Variants in HECW1 observed in about 807,000 individuals in gnomAD.
The protein encoded by HECW1 is HECT, C2 and WW domain containing E3 ubiquitin protein ligase 1, also known as E3 ubiquitin-protein ligase HECW1.
In HECW1, 61 loss-of-function variants were observed where a neutral mutation model predicts 182.3. The ratio of observed to expected loss-of-function variants is 0.33; its 90% CI spans 0.27 to 0.41. HECW1 has a LOEUF of 0.41. HECW1 is among the 10% of genes least tolerant of loss of function. The pLI is 1.00. For synonymous variants in HECW1, 859 were observed against 832.6 expected, an observed-to-expected ratio of 1.03 and a Z score of -0.55; for missense variants, 1,739 against 2,108.9, an observed-to-expected ratio of 0.82 and a Z score of 3.44.
chr7:43,503,662 G>T (rs941786985), intron 21 of HECW1, among the ~76,000 whole-genome samples: 1 of 152,034 alleles, frequency 6.6e-6, no homozygotes, highest in Non-Finnish European at 1.5e-5. Flanking sequence ...ATCCAAATAC[G>T]TTGATTTTAA....
At chr7:43,229,286 A>G (rs1451566598) in intron 2 of HECW1, among the ~76,000 whole-genome samples, 1 of 152,204 alleles carries the variant, frequency 6.6e-6, no homozygotes, top group East Asian at 1.9e-4. Flanking sequence ...ATCCATTGCC[A>G]TGGAAAATAT....
chr7:43,454,439 G>A (rs1042828989), intron 12 of HECW1, among the ~76,000 whole-genome samples: 1 of 152,088 alleles, frequency 6.6e-6, no homozygotes, highest in Non-Finnish European at 1.5e-5. Context: ...TAATTACCTA[G>A]TAATCATATG....
chr7:43,495,083 C>T (rs1223773738), intron 19 of HECW1, among the ~76,000 whole-genome samples: 1 of 152,132 alleles, frequency 6.6e-6, no homozygotes, highest in African/African-American at 2.4e-5. Context: ...CCTGATGTTA[C>T]CATGGCATTT....
At chr7:43,131,613 C>T (rs1255047141) in intron 2 of HECW1, among the ~76,000 whole-genome samples, 1 of 152,218 alleles carries the variant, frequency 6.6e-6, no homozygotes, top group Non-Finnish European at 1.5e-5. Context: ...TTTCCTCAAA[C>T]ATACTGAAGA....
intron 24 of HECW1, among the ~76,000 whole-genome samples, chr7:43,519,880 G>A (rs577356586): frequency 1.3e-5 from 2 of 152,256 alleles, no homozygotes. Context: ...AAATATATTA[G>A]TATGTGATTA....
intron 21 of HECW1, among the ~76,000 whole-genome samples, chr7:43,504,446 C>T (rs762585405): frequency 1.5e-4 from 23 of 152,290 alleles, no homozygotes; most frequent in Admixed American, 5.2e-4. Flanking sequence ...CCTGATGCAG[C>T]GTAGATTCTG....
chr7:43,289,106 C>CTT lies in HECW1; in HGVS notation c.28-22643_28-22642dup, dbSNP rs61444685. Reference sequence around the variant, plus strand: ...TGCCATCTCCAACACTTTCTCTTTTCTTTTTTTTTTTTTTTGAGACAGAGT... The same window carrying CTT: ...TGCCATCTCCAACACTTTCTCTTTTCTTTTTTTTTTTTTTTTTGAGACAGAGT... On this transcript the variant is annotated intron_variant, in intron 3 of 29. Coordinates refer to ENST00000395891, the MANE Select transcript of HECW1 (RefSeq NM_015052.5). Among the ~76,000 whole-genome samples the CTT allele has an allele frequency of 1.4e-3, 201 of 141,562 alleles. 2 individuals are homozygous for CTT. The highest frequency in any genetic ancestry group is 6.3e-3 in the South Asian group (28 of 4,410). 92.9% of individuals were successfully genotyped at this position (141,562 alleles called of 152,430 possible).
chr7:43,418,444 C>T (rs980217310), intron 8 of HECW1, among the ~76,000 whole-genome samples: 1 of 152,098 alleles, frequency 6.6e-6, no homozygotes, highest in Non-Finnish European at 1.5e-5. Context: ...GTTTAATTCT[C>T]TCCCCTTTTT....
At chr7:43,139,189 C>T (rs900268530) in intron 2 of HECW1, among the ~76,000 whole-genome samples, 1 of 152,206 alleles carries the variant, frequency 6.6e-6, no homozygotes, top group Non-Finnish European at 1.5e-5. Context: ...CCTAGGGGGG[C>T]TGCCACAGCA....
chr7:43,396,192 T>G (rs116051311), intron 6 of HECW1, among the ~76,000 whole-genome samples: 1 of 152,194 alleles, frequency 6.6e-6, no homozygotes, highest in Non-Finnish European at 1.5e-5. Context: ...TATTGAGCAA[T>G]GATGAAAAAC....
chr7:43,515,956 G>T (rs575749884), intron 24 of HECW1, among the ~76,000 whole-genome samples: 1 of 152,310 alleles, frequency 6.6e-6, no homozygotes, highest in East Asian at 1.9e-4. Context: ...TATTGCAAAT[G>T]CATATAGTTT....
intron 6 of HECW1, among the ~76,000 whole-genome samples, chr7:43,382,068 G>A (rs1480005764): frequency 6.6e-6 from 1 of 152,082 alleles, no homozygotes; most frequent in Non-Finnish European, 1.5e-5. Context: ...GATGGATCAC[G>A]AGGTCAGGAG....
At position 43,316,089 on chromosome 7, in the gene HECW1, G is replaced by A. The variant is rs1459069738; in HGVS notation, c.352+4002G>A. The stretch of plus-strand genomic sequence containing the variant: ...TTTTTATTTTGAAGACAAATCCAGA[G>A]AAAATATATTACTTGTTTCTTAGGT... On this transcript the variant is annotated intron_variant, in intron 4 of 29. Transcript: ENST00000395891. 2.0e-5 allele frequency among the ~76,000 whole-genome samples: 3 copies of A among 152,212 alleles called. No individual in the cohort carries two copies. The South Asian group carries it at 6.2e-4, about 32-fold the overall frequency.
intron 2 of HECW1, among the ~76,000 whole-genome samples, chr7:43,193,619 T>A (rs1246411013): frequency 6.6e-6 from 1 of 152,118 alleles, no homozygotes; most frequent in African/African-American, 2.4e-5. Context: ...TGACCTCAAG[T>A]GATCCACCCG....
chr7:43,299,064 C>T (rs1419702086), intron 3 of HECW1, among the ~76,000 whole-genome samples: 2 of 152,180 alleles, frequency 1.3e-5, no homozygotes, highest in Admixed American at 1.3e-4. Flanking sequence ...GTGGAAATGG[C>T]AGTGAGTGCC....
intron 2 of HECW1, among the ~76,000 whole-genome samples, chr7:43,217,867 G>A (rs897408748): frequency 6.6e-6 from 1 of 152,182 alleles, no homozygotes; most frequent in Non-Finnish European, 1.5e-5. Flanking sequence ...TCCTTTTGGT[G>A]CCATGTCCAT....
chr7:43,453,346 T>C (rs2077296789), intron 12 of HECW1, among the ~76,000 whole-genome samples: 1 of 152,170 alleles, frequency 6.6e-6, no homozygotes, highest in South Asian at 2.1e-4. Context: ...AGATTGGATA[T>C]GGATGTGAGA....
At chr7:43,349,678 C>G (rs1044188753) in intron 5 of HECW1, among the ~76,000 whole-genome samples, 1 of 152,198 alleles carries the variant, frequency 6.6e-6, no homozygotes, top group Non-Finnish European at 1.5e-5. Flanking sequence ...ATAGCTACCC[C>G]TGCTCACTTT....
At chr7:43,319,446 GAA>G (rs1410071698) in intron 4 of HECW1, among the ~76,000 whole-genome samples, 4 of 148,458 alleles carry the variant, frequency 2.7e-5, no homozygotes, top group South Asian at 4.4e-4. Context: ...GATGAGCAGA[GAA>G]CAGCAGGAGG....
Sources: gnomAD v4.1 joint callset for allele counts (sites outside exome capture counted in the v4.1 genomes callset) on GRCh38, gnomAD v4.1.1 for gene constraint, MANE v1.5 for transcripts, NCBI Gene and HGNC (gene_info 2026-07-23, HGNC 2026-07-21) for gene names.